CYREN: variants seen among roughly 807,000 people sequenced by gnomAD.
CYREN encodes cell cycle regulator of NHEJ.
CYREN carries 7 observed loss-of-function variants against 9.7 expected under a neutral mutation model. The ratio of observed to expected loss-of-function variants is 0.72; its 90% CI spans 0.41 to 1.36. CYREN has a LOEUF of 1.36. CYREN is among the 40% of genes most tolerant of loss of function. CYREN has a pLI of 0.01. For synonymous variants in CYREN, 76 were observed against 77.9 expected (o/e 0.98, Z 0.13); for missense variants, 215 against 198.1 (o/e 1.09, Z -0.51).
chr7:135,131,631 C>G (rs1401786123), intron 2 of CYREN, among the ~76,000 whole-genome samples: 1 of 151,720 alleles, frequency 6.6e-6, no homozygotes, highest in Non-Finnish European at 1.5e-5. Flanking sequence ...AATCTAAGCT[C>G]CCACCTCAGG....
chr7:135,122,370 G>C (rs1827256753), intron 2 of CYREN, among the ~76,000 whole-genome samples: 1 of 152,202 alleles, frequency 6.6e-6, no homozygotes, highest in African/African-American at 2.4e-5. Context: ...AGAGGCTCAG[G>C]GACAGAACCC....
At chr7:135,165,192 A>G (rs1027975880), downstream of CYREN, 2 of 581,792 alleles carry the variant, frequency 3.4e-6, no homozygotes, top group African/African-American at 3.7e-5. Context: ...TTCTTAGTAC[A>G]AGATTGTCTG....
intron 2 of CYREN, chr7:135,129,097 G>A (rs1828361439): frequency 3.8e-6 from 6 of 1,591,386 alleles, no homozygotes; most frequent in Middle Eastern, 1.7e-4. Flanking sequence ...GCCACTACTG[G>A]TCAGGTCAAA....
At chr7:135,157,618 G>A (rs1457919332) in intron 2 of CYREN, among the ~76,000 whole-genome samples, 2 of 152,198 alleles carry the variant, frequency 1.3e-5, no homozygotes, top group Non-Finnish European at 2.9e-5. Context: ...TCTAGCCCCT[G>A]AGCAGGTGGT....
At chr7:135,111,240 T>A (rs1162975913) in intron 2 of CYREN, among the ~76,000 whole-genome samples, 1 of 152,188 alleles carries the variant, frequency 6.6e-6, no homozygotes, top group Non-Finnish European at 1.5e-5. Flanking sequence ...CCCATGTCCA[T>A]CAATTTCCTT....
intron 2 of CYREN, among the ~76,000 whole-genome samples, chr7:135,126,256 G>A (rs984563723): frequency 3.3e-5 from 5 of 152,052 alleles, no homozygotes; most frequent in Non-Finnish European, 7.4e-5. Flanking sequence ...ACATAGATAA[G>A]CAGAGAGCCA....
chr7:135,101,747 GA>G (rs1171175020), intron 2 of CYREN, among the ~76,000 whole-genome samples: 1 of 152,164 alleles, frequency 6.6e-6, no homozygotes, highest in African/African-American at 2.4e-5. Flanking sequence ...CAGAAGGGCA[GA>G]AAAGATTGGC....
downstream of CYREN, chr7:135,164,983 A>G (rs1240536200): frequency 1.3e-6 from 2 of 1,596,424 alleles, no homozygotes; most frequent in African/African-American, 2.7e-5. Context: ...GCTGAGAGCA[A>G]GCTTGAGAGC....
At chr7:135,094,768 G>C (rs991344265) in intron 2 of CYREN, among the ~76,000 whole-genome samples, 3 of 152,302 alleles carry the variant, frequency 2.0e-5, no homozygotes, top group Admixed American at 2.0e-4. Flanking sequence ...CACCCAAGAG[G>C]AGCAAGAGGC....
At chr7:135,109,242 G>A (rs1023809466) in intron 2 of CYREN, among the ~76,000 whole-genome samples, 1 of 152,192 alleles carries the variant, frequency 6.6e-6, no homozygotes, top group African/African-American at 2.4e-5. Context: ...TCATTTGAAG[G>A]ACATAAGACA....
At chr7:135,156,693 C>A (rs941076542) in intron 2 of CYREN, among the ~76,000 whole-genome samples, 3 of 152,064 alleles carry the variant, frequency 2.0e-5, no homozygotes, top group Non-Finnish European at 4.4e-5. Flanking sequence ...ATTTTGAATT[C>A]TTTATCTAGC....
intron 2 of CYREN, among the ~76,000 whole-genome samples, chr7:135,123,954 G>A (rs1349365696): frequency 6.6e-6 from 1 of 152,040 alleles, no homozygotes; most frequent in Non-Finnish European, 1.5e-5. Flanking sequence ...AAAATATAAA[G>A]ACCAATGACA....
intron 2 of CYREN, among the ~76,000 whole-genome samples, chr7:135,139,924 GTC>G (rs375410842): frequency 1.3e-5 from 2 of 151,734 alleles, no homozygotes; most frequent in African/African-American, 4.8e-5. Context: ...TGTTTCATTA[GTC>G]TGTTTTTGTA....
intron 2 of CYREN, among the ~76,000 whole-genome samples, chr7:135,127,219 C>T (rs1014960704): frequency 3.3e-5 from 5 of 151,724 alleles, no homozygotes; most frequent in East Asian, 1.9e-4. Flanking sequence ...GATATGAAGA[C>T]GCTTCTCAAA....
In CYREN at chr7:135,101,060, G is replaced by C. The variant is rs866865469; in HGVS notation, n.357-6478C>G. The C allele has an allele frequency of 3.3e-5, 13 of 392,218 alleles. No homozygotes were observed. The Middle Eastern group carries it at 4.7e-3, about 142-fold the overall frequency. 24.3% of individuals were successfully genotyped at this position (392,218 alleles called of 1,614,324 possible). A position where few individuals can be genotyped will look rare whatever the true frequency, so the allele number is the denominator to read the frequency against. On this transcript the variant is annotated intron_variant and non_coding_transcript_variant, in intron 2 of 2. Transcript: ENST00000459937. ...TAGCTTACTGTTGACAATGAAATCAGAGGACCCAATTTTTTTCATCTCCCA... is the reference window on the plus strand; with the variant it reads ...TAGCTTACTGTTGACAATGAAATCACAGGACCCAATTTTTTTCATCTCCCA...
downstream of CYREN, among the ~76,000 whole-genome samples, chr7:135,161,330 T>C (rs1371407863): frequency 6.6e-6 from 1 of 152,116 alleles, no homozygotes; most frequent in Non-Finnish European, 1.5e-5. This position sits in a 1 kb window ranked among gnomAD's most constrained non-coding sequence, Gnocchi z 4.1. Context: ...AAGCAAAACG[T>C]TTAATAATTT....
At chr7:135,164,881 C>T (rs138263623), downstream of CYREN, 431 of 1,614,174 alleles carry the variant, frequency 2.7e-4, 2 homozygotes, top group African/African-American at 4.9e-3. Flanking sequence ...CTCTCCCTCC[C>T]GGGGCCTGGG....
At chr7:135,160,752 A>C (rs910552143) in intron 2 of CYREN, among the ~76,000 whole-genome samples, 19 of 152,124 alleles carry the variant, frequency 1.2e-4, no homozygotes, top group Non-Finnish European at 1.8e-4. Context: ...AAAAAACAAA[A>C]AAAAGAGCCC....
intron 2 of CYREN, among the ~76,000 whole-genome samples, chr7:135,157,238 A>C (rs988713500): frequency 6.6e-6 from 1 of 152,178 alleles, no homozygotes; most frequent in Non-Finnish European, 1.5e-5. Context: ...ATAAGGGAGA[A>C]TTTTTTCCTG....
Sources: gnomAD v4.1 joint callset for allele counts (sites outside exome capture counted in the v4.1 genomes callset) on GRCh38, gnomAD v4.1.1 for gene constraint, Gnocchi (gnomAD v3.1) non-coding constraint, MANE v1.5 for transcripts, NCBI Gene and HGNC (gene_info 2026-07-23, HGNC 2026-07-21) for gene names.